Variants in TAFA1 observed in about 807,000 individuals in gnomAD.
The protein encoded by TAFA1 is chemokine-like protein TAFA-1.
Under a neutral mutation model 18.5 loss-of-function variants are expected in TAFA1, and 4 were observed. The ratio of observed to expected loss-of-function variants is 0.22; its 90% confidence interval spans 0.11 to 0.49. TAFA1 has a LOEUF of 0.49. TAFA1 is among the 20% of genes least tolerant of loss of function. TAFA1 has a pLI of 0.98. For missense variants in TAFA1, 147 were observed against 169.0 expected (o/e 0.87, Z 0.72); for synonymous variants, 56 against 55.2 (o/e 1.01, Z -0.06).
chr3:68,240,413 C>T (rs532490204), intron 2 of TAFA1, among the ~76,000 whole-genome samples: 2 of 152,298 alleles, frequency 1.3e-5, no homozygotes, highest in South Asian at 4.1e-4. Flanking sequence ...AAGCTGTTGT[C>T]ATTGGTCAAC....
At chr3:68,080,940 T>C (rs2064890365) in intron 2 of TAFA1, among the ~76,000 whole-genome samples, 1 of 152,158 alleles carries the variant, frequency 6.6e-6, no homozygotes, top group Non-Finnish European at 1.5e-5. Flanking sequence ...CCCATCACTT[T>C]CAGGTACACC....
intron 2 of TAFA1, among the ~76,000 whole-genome samples, chr3:68,070,697 C>A (rs576498357): frequency 6.6e-6 from 1 of 152,322 alleles, no homozygotes; most frequent in South Asian, 2.1e-4. Context: ...TTTAACAGCA[C>A]CCAAGTCACC....
chr3:68,127,742 T>C (rs2065485344), intron 2 of TAFA1, among the ~76,000 whole-genome samples: 1 of 135,304 alleles, frequency 7.4e-6, no homozygotes, highest in African/African-American at 2.8e-5. Flanking sequence ...GCGGTGGTGA[T>C]GATGGTAGCG....
intron 3 of TAFA1, among the ~76,000 whole-genome samples, chr3:68,519,720 C>T (rs557556863): frequency 5.3e-4 from 80 of 152,222 alleles, no homozygotes; most frequent in African/African-American, 1.4e-3. Context: ...TAATTGTATC[C>T]TCACATGGCA....
chr3:68,491,637 A>G lies in TAFA1; in HGVS notation c.260-47119A>G, dbSNP rs187360259. ...GCACACCAACATGGCACATGTATAC[A>G]TATGTAACTAACCTGCACATTGTGC... On this transcript the variant is annotated intron_variant, in intron 3 of 4. Coordinates refer to ENST00000478136, the MANE Select transcript of TAFA1 (RefSeq NM_213609.4). Among the ~76,000 whole-genome samples the G allele has an allele frequency of 9.9e-5, 15 of 152,088 alleles. No individual in the cohort carries two copies. In the East Asian group the frequency reaches 2.1e-3, roughly 22 times the overall value.
intron 2 of TAFA1, among the ~76,000 whole-genome samples, chr3:68,410,705 CAAAAAAAAAAAAAAAA>C (rs34714719): frequency 8.2e-5 from 3 of 36,658 alleles, no homozygotes; most frequent in South Asian, 3.7e-3. Flanking sequence ...TTTCCATAAG[CAAAAAAAAAAAAAAAA>C]AAAAAAAAAA....
At chr3:68,327,483 C>A (rs982912169) in intron 2 of TAFA1, among the ~76,000 whole-genome samples, 2 of 152,118 alleles carry the variant, frequency 1.3e-5, no homozygotes, top group Non-Finnish European at 2.9e-5. Context: ...TTAGACCAAT[C>A]TGGGTTCAAG....
In TAFA1 at chr3:68,013,746, C is replaced by T. The variant is rs550077759; in HGVS notation, c.118+7002C>T. Among the ~76,000 whole-genome samples the T allele has an allele frequency of 7.9e-5, 12 of 152,184 alleles. No homozygotes were observed. In the South Asian group the frequency reaches 2.5e-3, roughly 32 times the overall value. On this transcript the variant is annotated intron_variant, in intron 2 of 4. Transcript: ENST00000478136. ...TAATTGAATTCCCCAAAGATAATAC[C>T]CTCAAAGCACTTAGGGAACTCTGTT...
chr3:68,155,624 G>A (rs986144627), intron 2 of TAFA1, among the ~76,000 whole-genome samples: 9 of 151,890 alleles, frequency 5.9e-5, no homozygotes, highest in South Asian at 2.1e-4. Context: ...ATCTATGAGC[G>A]TCATAGCCAC....
intron 4 of TAFA1, among the ~76,000 whole-genome samples, chr3:68,542,691 A>G (rs562603375): frequency 3.2e-4 from 48 of 152,228 alleles, no homozygotes; most frequent in African/African-American, 1.1e-3. Flanking sequence ...GGGTTTTAAT[A>G]TTTAAAGGGA....
chr3:68,206,596 A>G (rs2066529031), intron 2 of TAFA1, among the ~76,000 whole-genome samples: 1 of 151,962 alleles, frequency 6.6e-6, no homozygotes, highest in African/African-American at 2.4e-5. Flanking sequence ...CTTCAGGCAC[A>G]GTTGGATTCA....
chr3:68,361,292 T>A (rs1349408683), intron 2 of TAFA1, among the ~76,000 whole-genome samples: 1 of 152,006 alleles, frequency 6.6e-6, no homozygotes, highest in Non-Finnish European at 1.5e-5. Context: ...CTAAAAAAAT[T>A]GATCTCATGG....
chr3:68,201,193 A>G (rs2066466172), intron 2 of TAFA1, among the ~76,000 whole-genome samples: 1 of 151,620 alleles, frequency 6.6e-6, no homozygotes, highest in South Asian at 2.1e-4. Flanking sequence ...TTTTCTAGTT[A>G]TCTTTCTGTT....
intron 2 of TAFA1, among the ~76,000 whole-genome samples, chr3:68,106,816 C>T (rs2065209722): frequency 6.6e-6 from 1 of 152,006 alleles, no homozygotes; most frequent in East Asian, 1.9e-4. Flanking sequence ...CAACTACACC[C>T]AAGAAAAAGT....
intron 2 of TAFA1, among the ~76,000 whole-genome samples, chr3:68,076,353 T>A (rs1395506297): frequency 4.0e-5 from 6 of 151,102 alleles, no homozygotes; most frequent in Non-Finnish European, 3.0e-5. Flanking sequence ...CATGTGCACA[T>A]TGTGCAGGTT....
chr3:68,432,903 C>A (rs2071204509), intron 3 of TAFA1, among the ~76,000 whole-genome samples: 1 of 152,030 alleles, frequency 6.6e-6, no homozygotes, highest in African/African-American at 2.4e-5. Context: ...TTAGCCCTCA[C>A]ACGAGAGCTG....
chr3:68,411,807 A>T (rs4855470), intron 2 of TAFA1, among the ~76,000 whole-genome samples: 1,814 of 152,286 alleles, frequency 0.012, 19 homozygotes, highest in Non-Finnish European at 0.017. Context: ...TACTTTTTTA[A>T]TACAAGCCCA....
At chr3:68,213,350 A>C (rs1365016611) in intron 2 of TAFA1, among the ~76,000 whole-genome samples, 1 of 152,106 alleles carries the variant, frequency 6.6e-6, no homozygotes, top group African/African-American at 2.4e-5. Flanking sequence ...TCTGGAATGA[A>C]TGAATGTCAT....
chr3:68,089,598 C>T (rs1206452539), intron 2 of TAFA1, among the ~76,000 whole-genome samples: 1 of 152,152 alleles, frequency 6.6e-6, no homozygotes, highest in African/African-American at 2.4e-5. Flanking sequence ...ATTACACCTT[C>T]CAGGGAAACC....
Sources: allele counts gnomAD v4.1 joint callset (sites outside exome capture counted in the v4.1 genomes callset), GRCh38; gene constraint gnomAD v4.1.1; transcripts MANE v1.5; gene names NCBI Gene and HGNC (gene_info 2026-07-23, HGNC 2026-07-21).